BAZ2B: variants seen among roughly 807,000 people sequenced by gnomAD.
The protein encoded by BAZ2B is bromodomain adjacent to zinc finger domain 2B.
A neutral mutation model predicts 246.0 loss-of-function variants in BAZ2B; 91 were observed. The ratio of observed to expected loss-of-function variants is 0.37; its 90% CI spans 0.31 to 0.44. The LOEUF is 0.44. Among genes scored for constraint, BAZ2B ranks in the 20% least tolerant of loss-of-function variants. The probability of loss-of-function intolerance (pLI) is 1.00; values close to 1 mark genes in which losing one functional copy is unlikely to be tolerated. For synonymous variants in BAZ2B, 855 were observed against 860.0 expected (o/e 0.99, Z 0.10); for missense variants, 2,332 against 2,533.7 (o/e 0.92, Z 1.71).
chr2:159,350,919 AG>A (rs2058487791), intron 27 of BAZ2B, among the ~76,000 whole-genome samples: 1 of 103,450 alleles, frequency 9.7e-6, no homozygotes, highest in African/African-American at 3.5e-5. Context: ...CGGTGGGGGG[AG>A]GGGGGAGGGA....
the BAZ2B span, among the ~76,000 whole-genome samples, chr2:159,669,734 T>C: frequency 1.3e-5 from 2 of 152,124 alleles, no homozygotes; most frequent in Non-Finnish European, 2.9e-5. Context: ...CCTGGTATAG[T>C]TTTGTCTATT....
Position 159,349,226 on chromosome 2 carries a change from C to T in BAZ2B, c.4918G>A (p.Val1640Met). 2 of 1,614,010 alleles carry T rather than the reference C, an allele frequency of 1.2e-6. No individual in the cohort carries two copies. The highest frequency in any genetic ancestry group is 1.7e-6 in the Non-Finnish European group (2 of 1,179,934). ...GLQFCGWPTG[V>M]VTSNIPFTSS... ...GTAAATGGAATATTAGAAGTAACCA[C>T]ACCAGTGGGCCATCCACAAAACTGA... Residue 1640 changes from valine to methionine, a missense_variant, in exon 29 of 37, where the codon GTG becomes ATG. By Grantham distance (21) the Val-to-Met change is conservative. Coordinates refer to ENST00000392783, the MANE Select transcript of BAZ2B (RefSeq NM_013450.4).
intron 2 of BAZ2B, among the ~76,000 whole-genome samples, chr2:159,535,648 A>T (rs188615053): frequency 1.1e-4 from 17 of 152,270 alleles, no homozygotes; most frequent in Admixed American, 5.2e-4. Context: ...AGTACTTAAA[A>T]TAAGACAAAC....
At chr2:159,626,321 C>T in the BAZ2B span, among the ~76,000 whole-genome samples, 11 of 152,188 alleles carry the variant, frequency 7.2e-5, no homozygotes, top group African/African-American at 1.9e-4. Flanking sequence ...CTGGACCAAG[C>T]GGATCTAATA....
At chr2:159,618,777 A>G (rs945870657), upstream of BAZ2B, among the ~76,000 whole-genome samples, 1 of 152,132 alleles carries the variant, frequency 6.6e-6, no homozygotes, top group African/African-American at 2.4e-5. Context: ...GCTAGATTCA[A>G]GTTATCTTGA....
intron 9 of BAZ2B, 130 bp downstream of exon 9, chr2:159,432,627 A>G (rs1351305793): frequency 3.2e-6 from 4 of 1,264,216 alleles, no homozygotes; most frequent in Non-Finnish European, 4.3e-6. Flanking sequence ...TGAGCTCATT[A>G]TAGAAATGCA....
chr2:159,328,837 TA>T (rs1290464006), intron 34 of BAZ2B, among the ~76,000 whole-genome samples: 1 of 152,040 alleles, frequency 6.6e-6, no homozygotes, highest in Non-Finnish European at 1.5e-5. Flanking sequence ...ATGGAAAATA[TA>T]AAACAAAGGC....
chr2:159,500,321 T>A (rs549473379), intron 2 of BAZ2B, among the ~76,000 whole-genome samples: 24 of 152,308 alleles, frequency 1.6e-4, no homozygotes, highest in African/African-American at 5.3e-4. Flanking sequence ...GAAGATCAGA[T>A]GATTGTAGGT....
At chr2:159,642,205 T>C in the BAZ2B span, among the ~76,000 whole-genome samples, 3 of 151,752 alleles carry the variant, frequency 2.0e-5, no homozygotes, top group African/African-American at 4.8e-5. Context: ...CATAGATTGA[T>C]TGTTTTCTAT....
intron 2 of BAZ2B, among the ~76,000 whole-genome samples, chr2:159,552,486 A>G (rs1175618365): frequency 1.3e-5 from 2 of 152,198 alleles, no homozygotes; most frequent in Non-Finnish European, 2.9e-5. Context: ...TTTAAATTTC[A>G]TAATCCTTTT....
At chr2:159,340,353 G>C (rs1237175815) in intron 31 of BAZ2B, among the ~76,000 whole-genome samples, 1 of 151,764 alleles carries the variant, frequency 6.6e-6, no homozygotes, top group African/African-American at 2.4e-5. Context: ...GGAAAGGTGA[G>C]GAAAAAAAAT....
At chr2:159,683,025 G>A in the BAZ2B span, among the ~76,000 whole-genome samples, 1 of 151,278 alleles carries the variant, frequency 6.6e-6, no homozygotes, top group Non-Finnish European at 1.5e-5. Context: ...TAAGAATTCG[G>A]AGTGCATTTC....
chr2:159,421,299 C>A (rs1219448078), intron 13 of BAZ2B, among the ~76,000 whole-genome samples: 1 of 151,948 alleles, frequency 6.6e-6, no homozygotes, highest in African/African-American at 2.4e-5. Context: ...CTCAGCCTCC[C>A]AGGGAGGTGG....
intron 35 of BAZ2B, 112 bp from the exon 36 acceptor site, chr2:159,325,066 A>G (rs1483364810): frequency 5.0e-4 from 1 of 2,014 alleles, no homozygotes; most frequent in Non-Finnish European, 1.2e-3. Context: ...TATATTATAT[A>G]TATATATATA....
intron 2 of BAZ2B, among the ~76,000 whole-genome samples, chr2:159,493,771 G>C (rs1285196514): frequency 6.6e-6 from 1 of 152,068 alleles, no homozygotes. Context: ...AATATCCCTA[G>C]CACAAATTGG....
At chr2:159,666,257 CTTTTTTTTT>C in the BAZ2B span, among the ~76,000 whole-genome samples, 1 of 94,218 alleles carries the variant, frequency 1.1e-5, no homozygotes, top group Non-Finnish European at 2.1e-5. Context: ...TTTTATGATT[CTTTTTTTTT>C]TTTTTTTTTT....
chr2:159,499,814 T>C (rs1241712606), intron 2 of BAZ2B, among the ~76,000 whole-genome samples: 2 of 152,252 alleles, frequency 1.3e-5, no homozygotes, highest in Non-Finnish European at 2.9e-5. Flanking sequence ...GCCACATGTA[T>C]GTCTTCTTTT....
the BAZ2B span, chr2:159,710,604 C>T: frequency 2.0e-5 from 3 of 152,128 alleles, no homozygotes; most frequent in Non-Finnish European, 2.9e-5. Flanking sequence ...TAAAAAGAAA[C>T]ACAACGAACC....
At chr2:159,502,362 C>T (rs543207931) in intron 2 of BAZ2B, among the ~76,000 whole-genome samples, 3 of 151,230 alleles carry the variant, frequency 2.0e-5, no homozygotes, top group East Asian at 1.9e-4. Context: ...AGGTAATTTA[C>T]ACCTGCAGTC....
Sources: gnomAD v4.1 joint callset for allele counts (sites outside exome capture counted in the v4.1 genomes callset) on GRCh38, gnomAD v4.1.1 for gene constraint, MANE v1.5 for transcripts, NCBI Gene and HGNC (gene_info 2026-07-23, HGNC 2026-07-21) for gene names.